LNP1: variants seen among roughly 807,000 people sequenced by gnomAD.
LNP1 encodes the protein leukemia NUP98 fusion partner 1.
In LNP1, 12 loss-of-function variants were observed where a neutral mutation model predicts 14.5. That is an observed-to-expected ratio of 0.83 (90% CI 0.53 to 1.34). The LOEUF is 1.34. Ranked by LOEUF, LNP1 falls within the 40% of genes most tolerant of loss-of-function variation. LNP1 has a pLI of 0.00. For missense variants in LNP1, 198 were observed against 210.9 expected, an observed-to-expected ratio of 0.94 and a Z score of 0.38; for synonymous variants, 75 against 71.4, an observed-to-expected ratio of 1.05 and a Z score of -0.26.
At position 100,403,861 on chromosome 3, in the gene LNP1, T is replaced by C. The variant is rs1282693750; in HGVS notation, c.-34+1422T>C. ...TTATTTTTAAGGCTCCTTATTGTTT[T>C]AAAATGATGTAATTCTGTCCCTTCA... is the stretch of plus-strand genomic sequence containing the variant. On this transcript the variant is annotated intron_variant, in intron 1 of 3. Coordinates refer to ENST00000383693, the MANE Select transcript of LNP1 (RefSeq NM_001085451.2). 2.0e-5 allele frequency among the ~76,000 whole-genome samples: 3 copies of C among 152,348 alleles called. No individual in the cohort carries two copies. The East Asian group carries it at 5.8e-4, about 29-fold the overall frequency.
At chr3:100,450,332 A>ATT (rs1346496509) in intron 2 of LNP1, among the ~76,000 whole-genome samples, 12 of 138,968 alleles carry the variant, frequency 8.6e-5, no homozygotes, top group East Asian at 2.1e-4. Flanking sequence ...CTGGATGTTA[A>ATT]TTTTTTTTTT....
Position 100,422,803 on chromosome 3 carries a change from C to CTT in LNP1, c.-33-6868_-33-6867dup, listed in dbSNP as rs557593118. Among the ~76,000 whole-genome samples, 124 of 69,088 alleles carry CTT rather than the reference C, an allele frequency of 1.8e-3. 4 individuals are homozygous for CTT. Among genetic ancestry groups the CTT allele is most frequent in the African/African-American group, 2.3e-3 (45 of 19,382 alleles). 45.3% of individuals were successfully genotyped at this position (69,088 alleles called of 152,430 possible). A position where few individuals can be genotyped will look rare whatever the true frequency, so the allele number is the denominator to read the frequency against. ...GAAAACATACCTTGCTTTGTCTCCT[C>CTT]TTTTTTTTTTTTTTTTTTTTTTTTT... On this transcript the variant is annotated intron_variant, in intron 1 of 3. Transcript: ENST00000383693.
In LNP1 at chr3:100,432,156, C is replaced by T. The variant is rs562830955; in HGVS notation, c.156+2271C>T. Reference sequence around the variant, plus strand: ...TACTCTTATCCTTACTTTTTTTCTTCTCTCCTGACTGCTCTAAGGCCCTTC... The same window carrying T: ...TACTCTTATCCTTACTTTTTTTCTTTTCTCCTGACTGCTCTAAGGCCCTTC... On this transcript the variant is annotated intron_variant, in intron 2 of 3. Coordinates refer to ENST00000383693, the MANE Select transcript of LNP1 (RefSeq NM_001085451.2). Among the ~76,000 whole-genome samples the T allele has an allele frequency of 3.3e-5, 5 of 150,036 alleles. No homozygotes were observed. The South Asian group carries it at 6.3e-4, about 19-fold the overall frequency.
At chr3:100,447,279 A>G (rs1707397211) in intron 2 of LNP1, among the ~76,000 whole-genome samples, 1 of 152,218 alleles carries the variant, frequency 6.6e-6, no homozygotes, top group Non-Finnish European at 1.5e-5. Context: ...ATAAAAAAGG[A>G]TGAGTTTATG....
At chr3:100,455,587 C>G (rs1013325069) in intron 3 of LNP1, among the ~76,000 whole-genome samples, 190 bp from the exon 4 acceptor site, 1 of 152,188 alleles carries the variant, frequency 6.6e-6, no homozygotes, top group South Asian at 2.1e-4. Flanking sequence ...TGTCCAACCC[C>G]CTCTATTCTT....
At chr3:100,424,155 A>C (rs939001821) in intron 1 of LNP1, among the ~76,000 whole-genome samples, 1 of 152,150 alleles carries the variant, frequency 6.6e-6, no homozygotes, top group African/African-American at 2.4e-5. Flanking sequence ...ATGTAGTCCA[A>C]ATCCCTTTTT....
intron 1 of LNP1, among the ~76,000 whole-genome samples, chr3:100,404,133 C>A (rs943512458): frequency 6.6e-6 from 1 of 152,178 alleles, no homozygotes; most frequent in Admixed American, 6.5e-5. Flanking sequence ...CTGTTGTAAT[C>A]TAGTTTACAA....
At chr3:100,452,491 G>A (rs1412010171) in intron 3 of LNP1, among the ~76,000 whole-genome samples, 1 of 151,934 alleles carries the variant, frequency 6.6e-6, no homozygotes, top group Non-Finnish European at 1.5e-5. Flanking sequence ...CCAGGTGTGA[G>A]CCACCACACC....
rs548541815 is a variant in LNP1 at position 100,450,410 on chromosome 3, C to T, written c.157-1309C>T. On this transcript the variant is annotated intron_variant, in intron 2 of 3. Transcript: ENST00000383693. ...GTGCAATAGCGTGATCTCGGCTCAC[C>T]GCAACCTCCACCTCCTGGGTTCAAG... 1.1e-4 allele frequency among the ~76,000 whole-genome samples: 17 copies of T among 151,438 alleles called. No individual in the cohort carries two copies. The East Asian group carries it at 2.7e-3, about 24-fold the overall frequency.
intron 1 of LNP1, among the ~76,000 whole-genome samples, chr3:100,402,980 A>T (rs1348877273): frequency 6.6e-6 from 1 of 152,194 alleles, no homozygotes; most frequent in Non-Finnish European, 1.5e-5. Context: ...TAGTAAACGA[A>T]TCTGTTCTGG....
chr3:100,454,161 C>G (rs1707487360), intron 3 of LNP1, among the ~76,000 whole-genome samples: 1 of 152,108 alleles, frequency 6.6e-6, no homozygotes. Context: ...CTTAGGGAAG[C>G]ATTTTCTACT....
chr3:100,418,256 C>T (rs956021936), intron 1 of LNP1, among the ~76,000 whole-genome samples: 32 of 150,218 alleles, frequency 2.1e-4, no homozygotes, highest in Non-Finnish European at 4.6e-4. Context: ...TTTTAGCCAA[C>T]GATGTTGGCC....
chr3:100,416,597 TTTTGTGTGTGTG>T (rs1296415025), intron 1 of LNP1, among the ~76,000 whole-genome samples: 208 of 110,654 alleles, frequency 1.9e-3, no homozygotes, highest in African/African-American at 3.2e-3. Flanking sequence ...AGTATATCTT[TTTTGTGTGTGTG>T]TGTGTGTGTG....
At chr3:100,439,518 G>T (rs1001962283) in intron 2 of LNP1, among the ~76,000 whole-genome samples, 2 of 152,160 alleles carry the variant, frequency 1.3e-5, no homozygotes, top group Non-Finnish European at 2.9e-5. Flanking sequence ...GCAGAAAGCA[G>T]TCCTTGTCCT....
At chr3:100,430,997 C>A (rs1246912005) in intron 2 of LNP1, among the ~76,000 whole-genome samples, 4 of 152,190 alleles carry the variant, frequency 2.6e-5, no homozygotes, top group African/African-American at 9.7e-5. Context: ...CTACCTCTAA[C>A]CTTCCATGTT....
At position 100,417,371 on chromosome 3, in the gene LNP1, C is replaced by CTTTTTTTTTTTTTTTTTTTTTTTTTTT. The variant is rs562000656; in HGVS notation, c.-33-12304_-33-12303insTTTTTTTTTTTTTTTTTTTTTTTTTTT. Among the ~76,000 whole-genome samples the CTTTTTTTTTTTTTTTTTTTTTTTTTTT allele has an allele frequency of 2.6e-4, 17 of 64,626 alleles. 1 individual carries two copies. Among genetic ancestry groups the CTTTTTTTTTTTTTTTTTTTTTTTTTTT allele is most frequent in the East Asian group, 5.1e-4 (1 of 1,946 alleles). 42.4% of individuals were successfully genotyped at this position (64,626 alleles called of 152,430 possible). A position where few individuals can be genotyped will look rare whatever the true frequency, so the allele number is the denominator to read the frequency against. The stretch of plus-strand genomic sequence containing the variant: ...CTTTTTCTTTCTTTCTTTCTTTTTT[C>CTTTTTTTTTTTTTTTTTTTTTTTTTTT]TTTTTTTTTTTTTTTTTTTTTTCGA... On this transcript the variant is annotated intron_variant, in intron 1 of 3. Coordinates refer to ENST00000383693, the MANE Select transcript of LNP1 (RefSeq NM_001085451.2).
intron 1 of LNP1, among the ~76,000 whole-genome samples, chr3:100,427,330 G>A (rs1481438120): frequency 1.3e-5 from 2 of 152,100 alleles, no homozygotes; most frequent in South Asian, 2.1e-4. Flanking sequence ...CATCAGCCAG[G>A]CTGCACTTTT....
Position 100,456,041 on chromosome 3 carries a change from A to G in LNP1, c.*115A>G. ...CGGGGTTGGGGGTAAAAACAGCTAT[A>G]AAAAGCAACTGCAGATGCTGACTGA... On this transcript the variant is annotated 3_prime_UTR_variant, in exon 4 of 4. Transcript: ENST00000383693. The G allele has an allele frequency of 1.8e-6, 2 of 1,111,100 alleles. No individual in the cohort carries two copies. The highest frequency in any genetic ancestry group is 2.6e-6 in the Non-Finnish European group (2 of 768,790). The allele number at this position is 1,111,100 out of a possible 1,614,324, so 68.8% of individuals were successfully genotyped here.
In LNP1 at chr3:100,451,723, C is replaced by G; in HGVS notation, c.161C>G (p.Pro54Arg). Residue 54 changes from proline to arginine, a missense_variant, in exon 3 of 4, where the codon CCT becomes CGT. Coordinates refer to ENST00000383693, the MANE Select transcript of LNP1 (RefSeq NM_001085451.2). ...TTTTTCATTCTGTATTCTCAGCTTC[C>G]TGTGCTTCCCAGAATTCCATCATCT... ...HRKTSLPCPL[P>R]VLPRIPSSDC... 1 of 917,074 alleles carries G rather than the reference C, an allele frequency of 1.1e-6. No individual in the cohort carries two copies. Among genetic ancestry groups the G allele is most frequent in the Non-Finnish European group, 1.4e-6 (1 of 705,244 alleles). 56.8% of individuals were successfully genotyped at this position (917,074 alleles called of 1,614,324 possible).
Sources: gnomAD v4.1 joint callset for allele counts (sites outside exome capture counted in the v4.1 genomes callset) on GRCh38, gnomAD v4.1.1 for gene constraint, MANE v1.5 for transcripts, NCBI Gene and HGNC (gene_info 2026-07-23, HGNC 2026-07-21) for gene names.